Variants in PTPRM observed in about 807,000 individuals in gnomAD.
The protein encoded by PTPRM is receptor-type tyrosine-protein phosphatase mu.
In PTPRM, 47 loss-of-function variants were observed where a neutral mutation model predicts 186.7. The ratio of observed to expected loss-of-function variants is 0.25; its 90% confidence interval spans 0.20 to 0.32. The LOEUF (loss-of-function observed/expected upper bound fraction) is 0.32. PTPRM is among the 10% of genes least tolerant of loss of function. The pLI is 1.00. For synonymous variants in PTPRM, 668 were observed against 674.9 expected (o/e 0.99, Z 0.16); for missense variants, 1,494 against 1,865.0 (o/e 0.80, Z 3.66).
At chr18:8,378,118 A>C in intron 26 of PTPRM, 147 bp from the exon 27 acceptor site, 3 of 748,142 alleles carry the variant, frequency 4.0e-6, no homozygotes, top group South Asian at 3.8e-5. Context: ...ATTGCACCCC[A>C]GTCTCCTAGC....
intron 7 of PTPRM, among the ~76,000 whole-genome samples, chr18:7,961,988 T>C (rs1369158632): frequency 7.9e-6 from 1 of 126,614 alleles, no homozygotes; most frequent in Non-Finnish European, 1.8e-5. Context: ...CATGCAGTAA[T>C]AGCTATCATA....
chr18:7,567,636 C>T lies in PTPRM; in HGVS notation c.-183C>T. 9.6e-6 allele frequency: 5 copies of T among 519,752 alleles called. No individual in the cohort carries two copies. The South Asian group carries it at 1.4e-4, about 15-fold the overall frequency. The allele number at this position is 519,752 out of a possible 1,614,324, so 32.2% of individuals were successfully genotyped here. A position where few individuals can be genotyped will look rare whatever the true frequency, so the allele number is the denominator to read the frequency against. ...GGGGAGGAGGACCCAGGACCCTGTG[C>T]CCGCGCCCCTGGAGCCGCTGGAGTT... On this transcript the variant is annotated 5_prime_UTR_variant, in exon 1 of 33. Transcript: ENST00000580170. This position sits in a 1 kb window ranked among gnomAD's most constrained non-coding sequence, Gnocchi z 4.3.
At chr18:7,950,492 C>T (rs2052867936) in intron 6 of PTPRM, among the ~76,000 whole-genome samples, 1 of 152,172 alleles carries the variant, frequency 6.6e-6, no homozygotes, top group Non-Finnish European at 1.5e-5. Flanking sequence ...TTAAAGATTG[C>T]TGGATTCAAA....
At chr18:7,906,398 A>G in intron 3 of PTPRM, 107 bp from the exon 4 acceptor site, 1 of 806,842 alleles carries the variant, frequency 1.2e-6, no homozygotes, top group Non-Finnish European at 2.1e-6. Context: ...ACATGAATGA[A>G]TGAATTGGTG....
chr18:7,662,280 A>G (rs1214800945), intron 1 of PTPRM, among the ~76,000 whole-genome samples: 3 of 152,220 alleles, frequency 2.0e-5, no homozygotes, highest in Non-Finnish European at 2.9e-5. Context: ...ATGCAGCACT[A>G]TTCACAATAG....
chr18:8,032,685 G>A (rs1197435401), intron 7 of PTPRM, among the ~76,000 whole-genome samples: 3 of 152,048 alleles, frequency 2.0e-5, no homozygotes, highest in African/African-American at 7.2e-5. Context: ...TTCAGGAGAG[G>A]ATGATTTGCC....
chr18:8,173,322 G>A (rs910305074), intron 14 of PTPRM, among the ~76,000 whole-genome samples: 2 of 152,174 alleles, frequency 1.3e-5, no homozygotes, highest in Admixed American at 6.5e-5. Context: ...GTTGGAACAA[G>A]TATTAGCATA....
chr18:7,571,887 T>C (rs924024706), intron 1 of PTPRM, among the ~76,000 whole-genome samples: 11 of 152,192 alleles, frequency 7.2e-5, no homozygotes, highest in Non-Finnish European at 1.6e-4. Flanking sequence ...ATCTGAAATT[T>C]TTTCAAAATA....
At chr18:8,232,219 T>C (rs2094295883) in intron 14 of PTPRM, among the ~76,000 whole-genome samples, 1 of 152,262 alleles carries the variant, frequency 6.6e-6, no homozygotes, top group Non-Finnish European at 1.5e-5. Context: ...ATGTAGCCTT[T>C]CAGATTGACA....
At chr18:7,654,580 G>C (rs1260036517) in intron 1 of PTPRM, among the ~76,000 whole-genome samples, 1 of 152,140 alleles carries the variant, frequency 6.6e-6, no homozygotes. Flanking sequence ...GGTTTTTATA[G>C]TTTTGAGTTT....
chr18:7,784,211 A>G (rs887970047), intron 2 of PTPRM, among the ~76,000 whole-genome samples: 3 of 152,154 alleles, frequency 2.0e-5, no homozygotes, highest in African/African-American at 7.2e-5. Flanking sequence ...GTAGGCCTAG[A>G]TTATCCTTTT....
intron 2 of PTPRM, among the ~76,000 whole-genome samples, chr18:7,838,941 G>A (rs900874995): frequency 4.6e-5 from 7 of 152,104 alleles, no homozygotes; most frequent in African/African-American, 7.2e-5. Context: ...TCATTCCATC[G>A]CCACAGCCAC....
chr18:8,088,908 T>G, intron 11 of PTPRM, 57 bp downstream of exon 11: 1 of 1,307,974 alleles, frequency 7.6e-7, no homozygotes, highest in Non-Finnish European at 1.1e-6. Flanking sequence ...TCAAGTTGAT[T>G]AATTCCTCCA....
chr18:7,864,295 G>C (rs993156727), intron 2 of PTPRM, among the ~76,000 whole-genome samples: 8 of 152,210 alleles, frequency 5.3e-5, no homozygotes, highest in African/African-American at 1.9e-4. Context: ...GAATGGTATT[G>C]ACTAGGTTTT....
At chr18:7,803,317 G>C (rs1456361075) in intron 2 of PTPRM, among the ~76,000 whole-genome samples, 4 of 152,114 alleles carry the variant, frequency 2.6e-5, no homozygotes, top group Admixed American at 2.6e-4. Flanking sequence ...AGCTTACAAA[G>C]GCTGCTTGCT....
chr18:8,142,278 A>G (rs2092783302), intron 13 of PTPRM, among the ~76,000 whole-genome samples: 1 of 152,192 alleles, frequency 6.6e-6, no homozygotes, highest in Non-Finnish European at 1.5e-5. Flanking sequence ...AATGATTGGA[A>G]TATGCTTTGT....
chr18:7,739,437 A>ATAAAGCGAGAAATGTGC (rs1491396727), intron 1 of PTPRM, among the ~76,000 whole-genome samples: 2 of 152,230 alleles, frequency 1.3e-5, no homozygotes, highest in Non-Finnish European at 2.9e-5. Flanking sequence ...GCATGACAAC[A>ATAAAGCGAGAAATGTGC]TAAAGCGAGA....
rs542612742 is a variant in PTPRM at position 7,787,187 on chromosome 18, A to G, written c.196+12916A>G. Among the ~76,000 whole-genome samples, 7 of 152,316 alleles carry G rather than the reference A, an allele frequency of 4.6e-5. No individual in the cohort carries two copies. The East Asian group carries it at 5.8e-4, about 13-fold the overall frequency. The stretch of plus-strand genomic sequence containing the variant: ...TTCTCAATGGTTTTGAGAAAACCCA[A>G]TTTACATAAGTGATCTTGCATGTGT... On this transcript the variant is annotated intron_variant, in intron 2 of 32. Coordinates refer to ENST00000580170, the MANE Select transcript of PTPRM (RefSeq NM_001105244.2).
At chr18:8,003,064 C>A (rs2083962986) in intron 7 of PTPRM, among the ~76,000 whole-genome samples, 1 of 152,120 alleles carries the variant, frequency 6.6e-6, no homozygotes, top group Non-Finnish European at 1.5e-5. Flanking sequence ...TCTCATTTTG[C>A]CATGGCTGAG....
Sources: gnomAD v4.1 joint callset for allele counts (sites outside exome capture counted in the v4.1 genomes callset) on GRCh38, gnomAD v4.1.1 for gene constraint, Gnocchi (gnomAD v3.1) non-coding constraint, MANE v1.5 for transcripts, NCBI Gene and HGNC (gene_info 2026-07-23, HGNC 2026-07-21) for gene names.